Variants in VPS53 observed in about 807,000 individuals in gnomAD.
VPS53 encodes VPS53 subunit of GARP complex.
A neutral mutation model predicts 107.0 loss-of-function variants in VPS53; 70 were observed. That is an observed-to-expected ratio of 0.65 (90% CI 0.54 to 0.80). VPS53 has a LOEUF of 0.80. Among genes scored for constraint, VPS53 ranks in the 30% least tolerant of loss-of-function variants. VPS53 has a pLI of 0.00. For synonymous variants in VPS53, 409 were observed against 393.3 expected, an observed-to-expected ratio of 1.04 and a Z score of -0.47; for missense variants, 917 against 1,049.4, an observed-to-expected ratio of 0.87 and a Z score of 1.74.
chr17:685,700 T>C (rs1410668714), intron 4 of VPS53, among the ~76,000 whole-genome samples: 1 of 152,150 alleles, frequency 6.6e-6, no homozygotes. Context: ...AGCATGTGTA[T>C]GATTGAGAAA....
At chr17:607,886 T>C (rs1204006841) in intron 11 of VPS53, among the ~76,000 whole-genome samples, 1 of 152,116 alleles carries the variant, frequency 6.6e-6, no homozygotes, top group African/African-American at 2.4e-5. Context: ...AGGGAAAGTC[T>C]GGCTTCAGTC....
At chr17:560,816 T>C (rs1208738172) in intron 14 of VPS53, among the ~76,000 whole-genome samples, 2 of 152,200 alleles carry the variant, frequency 1.3e-5, no homozygotes, top group African/African-American at 4.8e-5. Flanking sequence ...TTAACTAGGA[T>C]GGTCTAATAT....
At chr17:576,123 C>T (rs1399833618) in intron 13 of VPS53, among the ~76,000 whole-genome samples, 1 of 151,870 alleles carries the variant, frequency 6.6e-6, no homozygotes, top group Admixed American at 6.6e-5. Context: ...TCCCAGAGAA[C>T]CTCCCTCAGA....
chr17:627,025 G>T, intron 10 of VPS53, 149 bp downstream of exon 10: 1 of 1,031,206 alleles, frequency 9.7e-7, no homozygotes, highest in Non-Finnish European at 1.3e-6. Context: ...AGCTGGTGGG[G>T]CCACTGTGGG....
chr17:667,412 G>T (rs1971739004), intron 4 of VPS53, among the ~76,000 whole-genome samples: 1 of 151,052 alleles, frequency 6.6e-6, no homozygotes, highest in South Asian at 2.1e-4. Flanking sequence ...ACGTCTGCTT[G>T]GGAGTGATTT....
chr17:650,326 C>T (rs1970890273), intron 7 of VPS53, among the ~76,000 whole-genome samples: 1 of 151,994 alleles, frequency 6.6e-6, no homozygotes, highest in Non-Finnish European at 1.5e-5. Context: ...AAGATCCCAC[C>T]TCTACAGAAA....
intron 10 of VPS53, among the ~76,000 whole-genome samples, chr17:624,370 G>A (rs1969599680): frequency 6.6e-6 from 1 of 152,146 alleles, no homozygotes; most frequent in African/African-American, 2.4e-5. Context: ...CAAGGGACAG[G>A]ATCCCTGCGG....
Position 656,001 on chromosome 17 carries a change from A to G in VPS53, c.373-48T>C, listed in dbSNP as rs1197499667. On this transcript the variant is annotated intron_variant, in intron 5 of 21. Transcript: ENST00000437048. ...AAAGAAAGGAAGACGGTCAAGAAAG[A>G]TGTAAAACACTTCTGCAAGTAGCTC... 6 of 1,514,796 alleles carry G rather than the reference A, an allele frequency of 4.0e-6. No individual in the cohort carries two copies. In the South Asian group the frequency reaches 6.9e-5, roughly 17 times the overall value. 93.8% of individuals were successfully genotyped at this position (1,514,796 alleles called of 1,614,324 possible).
At chr17:589,497 G>T (rs974937228) in intron 12 of VPS53, among the ~76,000 whole-genome samples, 8 of 152,104 alleles carry the variant, frequency 5.3e-5, no homozygotes, top group African/African-American at 1.9e-4. Flanking sequence ...TAAAGGTCGG[G>T]GGGGAGTGGG....
At chr17:543,286 C>T (rs1245948162) in intron 17 of VPS53, among the ~76,000 whole-genome samples, 1 of 152,218 alleles carries the variant, frequency 6.6e-6, no homozygotes, top group African/African-American at 2.4e-5. Flanking sequence ...TGAGAACAGA[C>T]TTGAGAACTC....
At chr17:677,379 T>C (rs1972211194) in intron 4 of VPS53, among the ~76,000 whole-genome samples, 1 of 152,168 alleles carries the variant, frequency 6.6e-6, no homozygotes, top group Non-Finnish European at 1.5e-5. Context: ...TCCACTTATA[T>C]TAATATAAAG....
At chr17:702,438 C>T (rs920771306) in intron 2 of VPS53, among the ~76,000 whole-genome samples, 1 of 151,770 alleles carries the variant, frequency 6.6e-6, no homozygotes, top group South Asian at 2.1e-4. Context: ...CCGAGGTGGG[C>T]GGATCACAAG....
intron 13 of VPS53, among the ~76,000 whole-genome samples, chr17:577,946 C>T (rs1231717891): frequency 1.3e-5 from 2 of 151,890 alleles, no homozygotes; most frequent in East Asian, 1.9e-4. Context: ...GGACCTAATG[C>T]GTTCCCAAAG....
At chr17:549,657 G>GCGGC (rs759417899) in intron 17 of VPS53, among the ~76,000 whole-genome samples, 11 of 152,108 alleles carry the variant, frequency 7.2e-5, no homozygotes, top group Non-Finnish European at 1.5e-4. Context: ...TCTGAAGTGT[G>GCGGC]TGGCAGTTCA....
intron 12 of VPS53, among the ~76,000 whole-genome samples, chr17:598,885 A>T (rs1220368555): frequency 1.1e-3 from 2 of 1,758 alleles, no homozygotes; most frequent in African/African-American, 1.6e-3. Context: ...GGTCAGCCCC[A>T]TGCCCGGCCA....
chr17:586,558 G>T (rs575313214), intron 12 of VPS53, among the ~76,000 whole-genome samples, 194 bp from the exon 13 acceptor site: 1 of 152,298 alleles, frequency 6.6e-6, no homozygotes, highest in South Asian at 2.1e-4. Context: ...TAACTCACTT[G>T]CTCTGGACGA....
intron 4 of VPS53, among the ~76,000 whole-genome samples, chr17:677,196 T>C (rs1972202345): frequency 6.6e-6 from 1 of 152,102 alleles, no homozygotes; most frequent in African/African-American, 2.4e-5. Flanking sequence ...GTGGAAACAA[T>C]CCAAGTGTCC....
Position 702,106 on chromosome 17 carries a change from C to T in VPS53, c.169-2726G>A, listed in dbSNP as rs577679349. Among the ~76,000 whole-genome samples the T allele has an allele frequency of 1.3e-3, 200 of 152,084 alleles. 1 individual carries two copies. Among genetic ancestry groups the T allele is most frequent in the Admixed American group, 3.6e-3 (55 of 15,268 alleles). On this transcript the variant is annotated intron_variant, in intron 2 of 21. Transcript: ENST00000437048. ...GCCGGGTGTGGAGGCTTATGTCTGT[C>T]CTTTGGGAGGCTGAGGTGGGTGGAC...
At chr17:633,372 T>TA (rs976709543) in intron 7 of VPS53, among the ~76,000 whole-genome samples, 3 of 152,138 alleles carry the variant, frequency 2.0e-5, no homozygotes, top group African/African-American at 7.2e-5. Context: ...GTCTGGTTGC[T>TA]AAAAATGCCT....
Sources: gnomAD v4.1 joint callset for allele counts (sites outside exome capture counted in the v4.1 genomes callset) on GRCh38, gnomAD v4.1.1 for gene constraint, MANE v1.5 for transcripts, NCBI Gene and HGNC (gene_info 2026-07-23, HGNC 2026-07-21) for gene names.